Variants in ADAM18 observed in about 807,000 individuals in gnomAD.
ADAM18 encodes disintegrin and metalloproteinase domain-containing protein 18.
Under a neutral mutation model 94.4 loss-of-function variants are expected in ADAM18, and 117 were observed. The observed-to-expected ratio is 1.24, with a 90% CI of 1.07 to 1.45. ADAM18 has a LOEUF of 1.45. ADAM18 is among the 40% of genes most tolerant of loss of function. The probability of loss-of-function intolerance (pLI) is 0.00; values close to 1 mark genes in which losing one functional copy is unlikely to be tolerated. For synonymous variants in ADAM18, 327 were observed against 291.6 expected (o/e 1.12, Z -1.24); for missense variants, 936 against 880.0 (o/e 1.06, Z -0.81).
chr8:39,646,715 T>C (rs917133004), intron 11 of ADAM18, among the ~76,000 whole-genome samples: 2 of 152,176 alleles, frequency 1.3e-5, no homozygotes, highest in African/African-American at 4.8e-5. Flanking sequence ...CTATTAGACA[T>C]TTCTCCTAGA....
chr8:39,621,673 A>T (rs1216799135), intron 6 of ADAM18, among the ~76,000 whole-genome samples: 1 of 152,166 alleles, frequency 6.6e-6, no homozygotes, highest in Non-Finnish European at 1.5e-5. Flanking sequence ...CATGGAATCA[A>T]CCTAAATGCC....
intron 18 of ADAM18, among the ~76,000 whole-genome samples, chr8:39,709,414 G>A (rs1034547681): frequency 6.6e-6 from 1 of 152,148 alleles, no homozygotes; most frequent in Non-Finnish European, 1.5e-5. Flanking sequence ...GGTGGAATAG[G>A]ACCATGGGTG....
chr8:39,610,644 G>A lies in ADAM18; in HGVS notation c.460G>A (p.Ala154Thr). The change falls in exon 6 of 20, where the codon GCA (alanine) becomes ACA (threonine). Residue 154 changes from alanine to threonine, a missense_variant. Transcript: ENST00000265707. ...KNNDPNVSILAVNYSHIWQKD... is the reference protein window; with the variant it reads ...KNNDPNVSILTVNYSHIWQKD... ...TAATGATCCAAATGTATCCATTTTA[G>A]CAGTAAATTACAGTCATATTTGGCA... is the stretch of plus-strand genomic sequence containing the variant. 1.2e-6 allele frequency: 2 copies of A among 1,612,966 alleles called. No homozygotes were observed. Among genetic ancestry groups the A allele is most frequent in the Non-Finnish European group, 1.7e-6 (2 of 1,179,334 alleles).
At chr8:39,623,401 C>G (rs1819670065) in intron 6 of ADAM18, among the ~76,000 whole-genome samples, 1 of 152,054 alleles carries the variant, frequency 6.6e-6, no homozygotes, top group Non-Finnish European at 1.5e-5. Flanking sequence ...TTTGAGAAAT[C>G]CCCATACTGC....
chr8:39,659,267 G>C (rs966845063), intron 12 of ADAM18, among the ~76,000 whole-genome samples: 1 of 151,770 alleles, frequency 6.6e-6, no homozygotes. Flanking sequence ...TTAGTTGTTT[G>C]ATAGCTAAAA....
chr8:39,669,321 A>G (rs1299591141), intron 14 of ADAM18, among the ~76,000 whole-genome samples: 1 of 143,318 alleles, frequency 7.0e-6, no homozygotes, highest in Non-Finnish European at 1.5e-5. Context: ...TTTAAATTTT[A>G]TTATTATTAT....
intron 3 of ADAM18, among the ~76,000 whole-genome samples, chr8:39,608,190 T>A (rs1215586794): frequency 6.6e-6 from 1 of 152,094 alleles, no homozygotes; most frequent in African/African-American, 2.4e-5. Flanking sequence ...TATCTATATC[T>A]ATATCTAAAC....
rs529251090 is a variant in ADAM18, at chr8:39,672,044, ACTAGGATGG to A, written c.1525+3851_1525+3859del. Among the ~76,000 whole-genome samples, 277 of 152,252 alleles carry A rather than the reference ACTAGGATGG, an allele frequency of 1.8e-3. 1 individual carries two copies. Among genetic ancestry groups the A allele is most frequent in the South Asian group, 3.9e-3 (19 of 4,820 alleles). The stretch of plus-strand genomic sequence containing the variant: ...TCCTAGAAGACAGTAAAATCTTTCT[ACTAGGATGG>A]CTTCCAGCAGCATGGAAAAAAAAAG... On this transcript the variant is annotated intron_variant, in intron 14 of 19. Transcript: ENST00000265707.
intron 18 of ADAM18, among the ~76,000 whole-genome samples, chr8:39,711,396 G>A (rs1228120448): frequency 1.3e-5 from 2 of 151,980 alleles, no homozygotes; most frequent in South Asian, 2.1e-4. Flanking sequence ...ACCTATTCAC[G>A]GGAACAAAAT....
chr8:39,674,249 T>TG (rs1258096832), intron 14 of ADAM18, among the ~76,000 whole-genome samples: 1 of 152,156 alleles, frequency 6.6e-6, no homozygotes, highest in Admixed American at 6.5e-5. Flanking sequence ...TATTATTGTG[T>TG]GGGAGTCTAA....
chr8:39,625,044 T>C (rs78105530), intron 6 of ADAM18, among the ~76,000 whole-genome samples: 12,758 of 152,316 alleles, frequency 0.084, 686 homozygotes, highest in Non-Finnish European at 0.12. Flanking sequence ...TGGTTCCATG[T>C]GAATTTTAGG....
chr8:39,605,080 A>T (rs545641531), intron 2 of ADAM18, among the ~76,000 whole-genome samples: 88 of 152,230 alleles, frequency 5.8e-4, no homozygotes, highest in African/African-American at 2.0e-3. Context: ...AGTCTGGGTG[A>T]TGAGCAGATA....
intron 17 of ADAM18, among the ~76,000 whole-genome samples, chr8:39,694,499 T>G (rs1342120828): frequency 6.6e-6 from 1 of 151,590 alleles, no homozygotes; most frequent in Non-Finnish European, 1.5e-5. Flanking sequence ...CTTATGGATT[T>G]GATAGTTTTA....
intron 19 of ADAM18, among the ~76,000 whole-genome samples, chr8:39,724,569 A>G (rs1213780978): frequency 1.3e-5 from 2 of 151,800 alleles, no homozygotes; most frequent in Non-Finnish European, 2.9e-5. Flanking sequence ...CATTAATTAC[A>G]GGTTAATATT....
chr8:39,702,215 T>C (rs751468833), intron 17 of ADAM18, among the ~76,000 whole-genome samples: 2 of 152,238 alleles, frequency 1.3e-5, no homozygotes, highest in Non-Finnish European at 2.9e-5. Flanking sequence ...ATTGTGGTCT[T>C]GATTTTTATT....
chr8:39,592,616 A>T (rs1048646819), intron 2 of ADAM18, among the ~76,000 whole-genome samples: 1 of 152,190 alleles, frequency 6.6e-6, no homozygotes, highest in Non-Finnish European at 1.5e-5. Flanking sequence ...ACATGTTCTC[A>T]TTTATAAGTG....
In ADAM18 at chr8:39,678,859, C is replaced by T. The variant is rs547775066; in HGVS notation, c.1632-1178C>T. Among the ~76,000 whole-genome samples the T allele has an allele frequency of 6.6e-5, 10 of 152,214 alleles. No individual in the cohort carries two copies. In the South Asian group the frequency reaches 1.5e-3, roughly 22 times the overall value. The stretch of plus-strand genomic sequence containing the variant: ...AGTAGCATACATCGTCTGATCTAAA[C>T]AGACTGTGATTCCTTTTCAAAAAAG... On this transcript the variant is annotated intron_variant, in intron 15 of 19. Transcript: ENST00000265707.
At chr8:39,699,478 C>A (rs1451351484) in intron 17 of ADAM18, among the ~76,000 whole-genome samples, 1 of 151,134 alleles carries the variant, frequency 6.6e-6, no homozygotes, top group African/African-American at 2.4e-5. Flanking sequence ...TAGGATAAAC[C>A]CTCCTTAGTT....
At chr8:39,611,341 G>A (rs1819265963) in intron 6 of ADAM18, 2 of 705,226 alleles carry the variant, frequency 2.8e-6, no homozygotes, top group Non-Finnish European at 3.5e-6. Flanking sequence ...ATCTCTTTGT[G>A]TTTACCATAC....
Sources: gnomAD v4.1 joint callset for allele counts (sites outside exome capture counted in the v4.1 genomes callset) on GRCh38, gnomAD v4.1.1 for gene constraint, MANE v1.5 for transcripts, NCBI Gene and HGNC (gene_info 2026-07-23, HGNC 2026-07-21) for gene names.